NEB: variants seen among roughly 807,000 people sequenced by gnomAD.
The protein encoded by NEB is nebulin.
In NEB, 512 loss-of-function variants were observed where a neutral mutation model predicts 952.2. The observed-to-expected ratio is 0.54, with a 90% CI of 0.50 to 0.58. The LOEUF is 0.58. NEB is among the 20% of genes least tolerant of loss of function. The pLI is 0.00. For missense variants in NEB, 8,428 were observed against 9,231.1 expected (o/e 0.91, Z 3.56); for synonymous variants, 2,900 against 3,149.8 (o/e 0.92, Z 2.66).
chr2:151,559,227 A>G (rs1451378931), intron 124 of NEB, among the ~76,000 whole-genome samples: 1 of 152,252 alleles, frequency 6.6e-6, no homozygotes, highest in African/African-American at 2.4e-5. Flanking sequence ...AATGCAAATC[A>G]AAACCACAAT....
rs1232064834 is a variant in NEB at position 151,687,420 on chromosome 2, T to A, written c.2636A>T (p.Asp879Val). Reference protein sequence around the residue: ...HSLKTAKNQSDREYRKDYEKS... With the variant: ...HSLKTAKNQSVREYRKDYEKS... ...AGACAGATTCACAAAGACACTCACA[T>A]CACTCTGGTTTTTGGCTGTCTTCAA... Residue 879 changes from aspartate (D) to valine (V), a missense_variant and splice_region_variant, in exon 27 of 182, where the codon GAT becomes GTT. By Grantham distance (152) the Asp-to-Val change is radical. Transcript: ENST00000397345. 1 of 1,609,798 alleles carries A rather than the reference T, an allele frequency of 6.2e-7. No individual in the cohort carries two copies. The highest frequency in any genetic ancestry group is 1.1e-5 in the South Asian group (1 of 90,966).
intron 10 of NEB, 133 bp downstream of exon 10, chr2:151,717,283 T>C (rs544471446): frequency 4.2e-6 from 3 of 709,494 alleles, no homozygotes; most frequent in Admixed American, 4.2e-5. Flanking sequence ...GTAGAGTCTT[T>C]GGGGATCATA....
chr2:151,640,687 A>G, intron 60 of NEB, 21 bp from the exon 61 acceptor site: 6 of 1,597,980 alleles, frequency 3.8e-6, no homozygotes, highest in Non-Finnish European at 5.1e-6. Flanking sequence ...AAAAAGACAG[A>G]TAGTCATCTG....
Position 151,553,498 on chromosome 2 carries a change from A to G in NEB, c.19631T>C (p.Val6544Ala), listed in dbSNP as rs1393843624. 2 of 1,608,038 alleles carry G rather than the reference A, an allele frequency of 1.2e-6. No homozygotes were observed. The highest frequency in any genetic ancestry group is 1.7e-6 in the Non-Finnish European group (2 of 1,174,882). The change falls in exon 127 of 182, where the codon GTA becomes GCA. Residue 6544 changes from valine to alanine, a missense_variant. Around this residue, in one of 11 missense-constraint regions of NEB, gnomAD observed 3,374 missense variants for 3,651.5 expected, o/e 0.92. Transcript: ENST00000397345. The part of the protein sequence containing the change: ...RKVTDQISDI[V>A]YKDDLNWLKG... The stretch of plus-strand genomic sequence containing the variant: ...CAGCCAGTTGAGGTCATCCTTGTAT[A>G]CAATCTAGAGGGTTTTGATAGAAAG...
chr2:151,526,917 C>T lies in NEB; in HGVS notation c.21945+1G>A. 1 of 1,578,390 alleles carries T rather than the reference C, an allele frequency of 6.3e-7. No homozygotes were observed. Among genetic ancestry groups the T allele is most frequent in the Non-Finnish European group, 8.6e-7 (1 of 1,157,208 alleles). On this transcript the variant is annotated splice_donor_variant, in intron 148 of 181. Transcript: ENST00000397345. LOFTEE classifies it high-confidence loss of function. ...CATCATGGAAGGAACTAGGTACTTA[C>T]ATCACTTTCTATTAAAGTATTCCTG... is the stretch of plus-strand genomic sequence containing the variant.
At chr2:151,514,704 A>C (rs1353493445) in intron 158 of NEB, 114 bp downstream of exon 158, 1 of 783,064 alleles carries the variant, frequency 1.3e-6, no homozygotes, top group East Asian at 2.7e-5. Flanking sequence ...ATGAGAACCC[A>C]ATTTGAAACC....
intron 3 of NEB, among the ~76,000 whole-genome samples, chr2:151,732,253 T>TG (rs1401377875): frequency 6.6e-6 from 1 of 152,222 alleles, no homozygotes; most frequent in Non-Finnish European, 1.5e-5. Flanking sequence ...TTCATGGCAC[T>TG]GTATTTATGT....
At position 151,553,937 on chromosome 2, in the gene NEB, T is replaced by A. The variant is rs747919357; in HGVS notation, c.19517A>T (p.Gln6506Leu). 6.2e-7 allele frequency: 1 copy of A among 1,613,934 alleles called. No individual in the cohort carries two copies. The highest frequency in any genetic ancestry group is 1.1e-5 in the South Asian group (1 of 91,084). ...MVEMVTAKDS[Q>L]KKVSEIDYRL... ...GTAATCAATCTCACTGACTTTCTTC[T>A]GGGAATCCTTGGCAGTAACCATCTC... The change falls in exon 126 of 182, where the codon CAG becomes CTG. Residue 6506 changes from glutamine to leucine, a missense_variant. By Grantham distance (113) the Gln-to-Leu change is moderately radical (BLOSUM62 -2). Transcript: ENST00000397345.
In NEB at chr2:151,678,108, A is replaced by T. The variant is rs1431310028; in HGVS notation, c.3335T>A (p.Val1112Asp). ...FQSLQDDPKL[V>D]HYMNVAKIQS... ...TATCTTGGCCACGTTCATATAATGA[A>T]CCAGTTTAGGGTCATCTTGAAGACT... The change falls in exon 33 of 182, where the codon GTT becomes GAT. Residue 1112 changes from valine to aspartate, a missense_variant. Val to Asp is a radical substitution (Grantham distance 152). This residue lies in a region of NEB where 2,851 missense variants were observed against 2,791.5 expected (regional missense o/e 1.02). Coordinates refer to ENST00000397345, the MANE Select transcript of NEB (RefSeq NM_001164508.2). 6.2e-7 allele frequency: 1 copy of T among 1,613,782 alleles called. No individual in the cohort carries two copies. Among genetic ancestry groups the T allele is most frequent in the East Asian group, 2.2e-5 (1 of 44,880 alleles).
chr2:151,529,001 G>A (rs751455983), intron 146 of NEB, among the ~76,000 whole-genome samples: 23 of 152,326 alleles, frequency 1.5e-4, no homozygotes, highest in Non-Finnish European at 2.9e-4. Context: ...GGCATGGGAT[G>A]AAGCTTCCTT....
chr2:151,657,772 G>C (rs190106012), intron 48 of NEB, among the ~76,000 whole-genome samples: 1 of 152,142 alleles, frequency 6.6e-6, no homozygotes, highest in Non-Finnish European at 1.5e-5. Flanking sequence ...CATGAGTCAG[G>C]GAGCTGACAT....
intron 161 of NEB, 47 bp from the exon 162 acceptor site, chr2:151,508,156 A>T (rs182639010): frequency 1.5e-5 from 20 of 1,328,446 alleles, no homozygotes; most frequent in Non-Finnish European, 2.1e-5. Flanking sequence ...CCACAGGGAT[A>T]TAGGCCAATG....
intron 174 of NEB, 45 bp downstream of exon 174, chr2:151,494,116 G>A (rs1190669234): frequency 2.0e-6 from 3 of 1,495,408 alleles, no homozygotes; most frequent in Admixed American, 3.8e-5. Context: ...AACTGCAAGA[G>A]TTATTTTGCA....
chr2:151,680,157 T>A, intron 30 of NEB, 135 bp from the exon 31 acceptor site: 1 of 689,042 alleles, frequency 1.5e-6, no homozygotes, highest in South Asian at 1.8e-5. Flanking sequence ...ATTTGCATAT[T>A]CATGTGCAAA....
chr2:151,707,634 G>A (rs2099715295), intron 12 of NEB, among the ~76,000 whole-genome samples: 1 of 152,144 alleles, frequency 6.6e-6, no homozygotes, highest in African/African-American at 2.4e-5. Flanking sequence ...GGGAGAATAG[G>A]GAAGGCAGGG....
Position 151,717,601 on chromosome 2 carries a change from CAT to C in NEB, c.718-83_718-82del, listed in dbSNP as rs1392365912. 7.7e-6 allele frequency: 8 copies of C among 1,037,098 alleles called. No homozygotes were observed. In the African/African-American group the frequency reaches 7.9e-5, roughly 10 times the overall value. The allele number at this position is 1,037,098 out of a possible 1,614,324, so 64.2% of individuals were successfully genotyped here. ...TTTGAAGTCTTAAATTTTAGTGTAA[CAT>C]GTTATAATTTGTCCTAGATGTTACA... On this transcript the variant is annotated intron_variant, in intron 9 of 181. Coordinates refer to ENST00000397345, the MANE Select transcript of NEB (RefSeq NM_001164508.2).
At position 151,617,353 on chromosome 2, in the gene NEB, A is replaced by T; in HGVS notation, c.11181+11T>A. 6.6e-7 allele frequency: 1 copy of T among 1,520,616 alleles called. No individual in the cohort carries two copies. The highest frequency in any genetic ancestry group is 8.9e-7 in the Non-Finnish European group (1 of 1,117,540). The allele number at this position is 1,520,616 out of a possible 1,614,324, so 94.2% of individuals were successfully genotyped here. On this transcript the variant is annotated intron_variant, in intron 75 of 181. Transcript: ENST00000397345. ...CCTTTCTGTTCATTACAAGATCAAC[A>T]GTTTACTTACATCACTGTAGTTTAT...
intron 145 of NEB, 22 bp downstream of exon 145, chr2:151,530,972 G>C (rs1464902246): frequency 6.5e-7 from 1 of 1,538,496 alleles, no homozygotes; most frequent in Admixed American, 1.7e-5. Context: ...GAGAGGGACT[G>C]CTAAACCATT....
intron 3 of NEB, among the ~76,000 whole-genome samples, chr2:151,732,324 G>A (rs550176368): frequency 5.1e-4 from 77 of 152,012 alleles, no homozygotes; most frequent in African/African-American, 1.5e-3. Context: ...GGCAAGAGCC[G>A]GTGAGGAAAA....
Sources: gnomAD v4.1 joint callset for allele counts (sites outside exome capture counted in the v4.1 genomes callset) on GRCh38, gnomAD v4.1.1 for gene constraint, gnomAD v4.1.1 regional missense constraint, MANE v1.5 for transcripts, NCBI Gene and HGNC (gene_info 2026-07-23, HGNC 2026-07-21) for gene names.